MYH13: variants seen among roughly 807,000 people sequenced by gnomAD.
MYH13 encodes the protein myosin-13.
In MYH13, 177 loss-of-function variants were observed where a neutral mutation model predicts 232.1. The ratio of observed to expected loss-of-function variants is 0.76; its 90% CI spans 0.67 to 0.86. MYH13 has a LOEUF of 0.86. MYH13 is among the 40% of genes least tolerant of loss of function. The pLI, the probability that MYH13 is intolerant of heterozygous loss-of-function variation, is 0.00. For missense variants in MYH13, 2,246 were observed against 2,405.9 expected (o/e 0.93, Z 1.39); for synonymous variants, 884 against 923.5 (o/e 0.96, Z 0.78).
At chr17:10,301,832 G>T in intron 39 of MYH13, 129 bp from the exon 40 acceptor site, 1 of 1,281,742 alleles carries the variant, frequency 7.8e-7, no homozygotes, top group Non-Finnish European at 1.1e-6. Context: ...AGAGAGGGCA[G>T]GGAAGCTTTC....
chr17:10,337,781 G>A (rs1008892515), intron 18 of MYH13, among the ~76,000 whole-genome samples: 14 of 152,170 alleles, frequency 9.2e-5, no homozygotes, highest in African/African-American at 2.9e-4. Flanking sequence ...AGGGCCGGGC[G>A]CGGTGGCTCA....
At chr17:10,342,856 C>T (rs567485940) in intron 16 of MYH13, among the ~76,000 whole-genome samples, 13 of 151,986 alleles carry the variant, frequency 8.6e-5, no homozygotes, top group South Asian at 6.2e-4. Flanking sequence ...TTTGGGAGGT[C>T]GAGGCGGGTG....
rs909428858 is a variant in MYH13 at position 10,312,599 on chromosome 17, T to G, written c.4340A>C (p.Asp1447Ala). ...ERSHTACATL[D>A]KKQRNFDKVL... is the part of the protein sequence containing the mutation. Reference sequence around the variant, plus strand: ...CTTGTCGAAGTTCCTCTGCTTCTTGTCCAGTGTGGCACAGGCGGTGTGGGA... The same window carrying G: ...CTTGTCGAAGTTCCTCTGCTTCTTGGCCAGTGTGGCACAGGCGGTGTGGGA... Residue 1447 changes from aspartate (D) to alanine (A), a missense_variant, in exon 31 of 41, where the codon GAC becomes GCC. Physicochemically the swap from Asp to Ala is moderately radical, Grantham distance 126. Transcript: ENST00000252172. 6 of 1,613,190 alleles carry G rather than the reference T, an allele frequency of 3.7e-6. No homozygotes were observed. Among genetic ancestry groups the G allele is most frequent in the Non-Finnish European group, 5.1e-6 (6 of 1,179,686 alleles).
intron 26 of MYH13, 140 bp downstream of exon 26, chr17:10,320,013 A>G: frequency 1.5e-6 from 1 of 686,056 alleles, no homozygotes; most frequent in East Asian, 2.7e-5. Flanking sequence ...ATTTTCAAAA[A>G]CTAAAGGAAA....
At chr17:10,305,193 G>A (rs779662337) in intron 37 of MYH13, among the ~76,000 whole-genome samples, 1 of 152,204 alleles carries the variant, frequency 6.6e-6, no homozygotes, top group African/African-American at 2.4e-5. Flanking sequence ...GACAGTCAAG[G>A]TGCCTCACCA....
chr17:10,311,991 T>C lies in MYH13; in HGVS notation c.4451A>G (p.Glu1484Gly). ...ATAGGCATTCCTCATCTTGAAGAGT[T>C]CAGTGCTGAGTGACCTGGACTCCTT... ...AQKESRSLST[E>G]LFKMRNAYEE... The change falls in exon 32 of 41, where the codon GAA becomes GGA. Residue 1484 changes from glutamate to glycine, a missense_variant. Coordinates refer to ENST00000252172, the MANE Select transcript of MYH13 (RefSeq NM_003802.3). 1 of 1,614,014 alleles carries C rather than the reference T, an allele frequency of 6.2e-7. No individual in the cohort carries two copies. The highest frequency in any genetic ancestry group is 8.5e-7 in the Non-Finnish European group (1 of 1,179,896).
Position 10,364,329 on chromosome 17 carries a change from G to C in MYH13, c.202C>G (p.Arg68Gly), listed in dbSNP as rs372048764. 9 of 1,612,080 alleles carry C rather than the reference G, an allele frequency of 5.6e-6. No homozygotes were observed. The highest frequency in any genetic ancestry group is 7.6e-6 in the Non-Finnish European group (9 of 1,178,534). The change falls in exon 3 of 41, where the codon CGG becomes GGG. Residue 68 changes from arginine (R) to glycine (G), a missense_variant and splice_region_variant. Arg to Gly is a moderately radical substitution (Grantham distance 125). Transcript: ENST00000252172. ...AGACATCTGTAATCAACACTCACCC[G>C]GTCATCGAGGGTCTTGACTATGACT... ...DKVIVKTLDD[R>G]MLTLNNDQVF...
chr17:10,354,078 T>C (rs2071730908), intron 11 of MYH13, among the ~76,000 whole-genome samples: 1 of 152,202 alleles, frequency 6.6e-6, no homozygotes, highest in African/African-American at 2.4e-5. Flanking sequence ...TTTGAGACTA[T>C]AATGAGACAA....
At chr17:10,316,321 C>T (rs755800802) in intron 27 of MYH13, among the ~76,000 whole-genome samples, 9 of 152,016 alleles carry the variant, frequency 5.9e-5, no homozygotes, top group Admixed American at 1.3e-4. Context: ...ATTAGCCAGG[C>T]GTGGTGGTGC....
intron 2 of MYH13, among the ~76,000 whole-genome samples, chr17:10,366,959 G>A (rs2071842518): frequency 1.3e-5 from 2 of 152,322 alleles, no homozygotes; most frequent in South Asian, 4.1e-4. Flanking sequence ...TTCATGGTTA[G>A]GTTTTCATAG....
At chr17:10,305,518 G>T (rs1171962329) in intron 37 of MYH13, among the ~76,000 whole-genome samples, 1 of 152,136 alleles carries the variant, frequency 6.6e-6, no homozygotes, top group Non-Finnish European at 1.5e-5. Context: ...CGGGTGGTTT[G>T]CATAAAGAAT....
At chr17:10,319,596 A>C (rs1393045441) in intron 26 of MYH13, among the ~76,000 whole-genome samples, 1 of 152,144 alleles carries the variant, frequency 6.6e-6, no homozygotes, top group African/African-American at 2.4e-5. Flanking sequence ...GAGAATGCAC[A>C]AATCGATTGT....
chr17:10,323,833 A>AAGAAGAGTC (rs1409824742), intron 23 of MYH13, among the ~76,000 whole-genome samples, 189 bp downstream of exon 23: 1 of 142,678 alleles, frequency 7.0e-6, no homozygotes, highest in African/African-American at 2.6e-5. Context: ...GAAGAAGAAG[A>AAGAAGAGTC]GTCTATGGGT....
At chr17:10,312,550 C>CA in intron 31 of MYH13, 24 bp downstream of exon 31, 1 of 1,598,662 alleles carries the variant, frequency 6.3e-7, no homozygotes, top group Non-Finnish European at 8.5e-7. Flanking sequence ...GCCATCTTCA[C>CA]AAAGAAAGCG....
At chr17:10,332,797 A>G (rs1299348075) in intron 19 of MYH13, among the ~76,000 whole-genome samples, 1 of 152,186 alleles carries the variant, frequency 6.6e-6, no homozygotes, top group Non-Finnish European at 1.5e-5. Flanking sequence ...AGCCTCCACA[A>G]TAAAGGATGA....
At chr17:10,317,387 A>G (rs1906755588) in intron 27 of MYH13, 1 of 152,760 alleles carries the variant, frequency 6.5e-6, no homozygotes, top group Admixed American at 6.5e-5. Flanking sequence ...TGAAGAAGCA[A>G]TCAAGGAGGC....
chr17:10,349,472 C>G lies in MYH13; in HGVS notation c.1144+1084G>C, dbSNP rs77866347. Among the ~76,000 whole-genome samples, 35 of 151,950 alleles carry G rather than the reference C, an allele frequency of 2.3e-4. 1 individual carries two copies. The East Asian group carries it at 6.8e-3, about 30-fold the overall frequency. ...CAGAATCCTATTCATCCCTCAAAGT[C>G]CAAGTCAGTGCCCCTTCTATCAGGA... is the stretch of plus-strand genomic sequence containing the variant. On this transcript the variant is annotated intron_variant, in intron 12 of 40. Transcript: ENST00000252172.
At chr17:10,330,783 C>T (rs568992666) in intron 20 of MYH13, among the ~76,000 whole-genome samples, 8 of 151,778 alleles carry the variant, frequency 5.3e-5, no homozygotes, top group Non-Finnish European at 7.4e-5. Flanking sequence ...TTTGGGAGGC[C>T]GAGGCAGGTG....
intron 24 of MYH13, among the ~76,000 whole-genome samples, chr17:10,320,877 CCTG>C: frequency 6.6e-6 from 1 of 152,328 alleles, no homozygotes; most frequent in Non-Finnish European, 1.5e-5. Flanking sequence ...TCACGCCTTG[CCTG>C]CTAACATTAT....
Sources: allele counts gnomAD v4.1 joint callset (sites outside exome capture counted in the v4.1 genomes callset), GRCh38; gene constraint gnomAD v4.1.1; transcripts MANE v1.5; gene names NCBI Gene and HGNC (gene_info 2026-07-23, HGNC 2026-07-21).